Variants in ZNF804B observed in about 807,000 individuals in gnomAD.
ZNF804B encodes the protein zinc finger 804B.
In ZNF804B, 80 loss-of-function variants were observed where a neutral mutation model predicts 101.4. The observed-to-expected ratio is 0.79, with a 90% CI of 0.66 to 0.95. ZNF804B has a LOEUF of 0.95. ZNF804B is among the 40% of genes least tolerant of loss of function. The pLI is 0.00. For synonymous variants in ZNF804B, 622 were observed against 558.8 expected (o/e 1.11, Z -1.59); for missense variants, 1,673 against 1,561.9 (o/e 1.07, Z -1.20).
At chr7:89,003,748 C>T (rs1261691397) in intron 1 of ZNF804B, among the ~76,000 whole-genome samples, 2 of 151,884 alleles carry the variant, frequency 1.3e-5, no homozygotes, top group Non-Finnish European at 2.9e-5. Context: ...TTACATTAGA[C>T]TACTTCTGAC....
intron 1 of ZNF804B, among the ~76,000 whole-genome samples, chr7:89,018,580 G>A (rs902703189): frequency 2.6e-5 from 4 of 151,966 alleles, no homozygotes; most frequent in Admixed American, 2.0e-4. Flanking sequence ...TTTTGGAATC[G>A]TTTGAGAAGA....
chr7:89,114,483 T>A (rs1260595363), intron 1 of ZNF804B, among the ~76,000 whole-genome samples: 1 of 152,206 alleles, frequency 6.6e-6, no homozygotes. Context: ...GTATACTTTG[T>A]ACAAATCTCA....
chr7:88,794,341 T>C, intron 1 of ZNF804B: 1 of 1,613,920 alleles, frequency 6.2e-7, no homozygotes, highest in Non-Finnish European at 8.5e-7. Flanking sequence ...TGCAACTTGG[T>C]GTAAGTTATC....
At chr7:89,316,973 C>A (rs1790742729) in intron 2 of ZNF804B, among the ~76,000 whole-genome samples, 1 of 152,140 alleles carries the variant, frequency 6.6e-6, no homozygotes, top group South Asian at 2.1e-4. Context: ...AAAGAGGGGC[C>A]AGCAAACACT....
intron 1 of ZNF804B, among the ~76,000 whole-genome samples, chr7:88,988,234 G>C (rs1414622613): frequency 6.6e-6 from 1 of 151,720 alleles, no homozygotes; most frequent in African/African-American, 2.4e-5. Context: ...AAAAGGAGCT[G>C]TCTATATCAT....
chr7:89,269,939 A>T (rs146358883), intron 2 of ZNF804B, among the ~76,000 whole-genome samples: 1,920 of 151,902 alleles, frequency 0.013, 22 homozygotes, highest in Admixed American at 0.021. Flanking sequence ...AATTTGTTTG[A>T]GTTCTTTGTA....
rs185836712 is a variant in ZNF804B at position 88,814,098 on chromosome 7, T to C, written c.108+54014T>C. ...GTACTTATTTTCTGGCTCTAATATG[T>C]TATATATTCTGCTCTTGGATATTGG... On this transcript the variant is annotated intron_variant, in intron 1 of 3. Transcript: ENST00000333190. 1.8e-3 allele frequency among the ~76,000 whole-genome samples: 279 copies of C among 152,292 alleles called. 2 individuals carry two copies. Among genetic ancestry groups the C allele is most frequent in the Middle Eastern group, 3.4e-3 (1 of 294 alleles).
At chr7:88,818,145 C>G (rs1378634048) in intron 1 of ZNF804B, among the ~76,000 whole-genome samples, 1 of 152,112 alleles carries the variant, frequency 6.6e-6, no homozygotes, top group Non-Finnish European at 1.5e-5. Context: ...ATTTTTAAAA[C>G]AGCAAAATCT....
chr7:88,921,614 A>G (rs1557917), intron 1 of ZNF804B, among the ~76,000 whole-genome samples: 85,393 of 151,944 alleles, frequency 0.56, 27,375 homozygotes, highest in African/African-American at 0.86. Flanking sequence ...ACATTTATAT[A>G]CATTAGGATT....
chr7:88,946,977 G>A (rs560055187), intron 1 of ZNF804B, among the ~76,000 whole-genome samples: 3 of 151,980 alleles, frequency 2.0e-5, no homozygotes, highest in East Asian at 2.0e-4. Flanking sequence ...ACCATCTCAC[G>A]CCAGTTAGAA....
At chr7:88,845,942 G>GA (rs1006120338) in intron 1 of ZNF804B, among the ~76,000 whole-genome samples, 2 of 151,784 alleles carry the variant, frequency 1.3e-5, no homozygotes, top group Admixed American at 1.3e-4. Flanking sequence ...TGGAAAAGAG[G>GA]AAAAAAAGGA....
At chr7:89,291,028 T>C (rs1393545899) in intron 2 of ZNF804B, among the ~76,000 whole-genome samples, 1 of 152,210 alleles carries the variant, frequency 6.6e-6, no homozygotes, top group Non-Finnish European at 1.5e-5. Flanking sequence ...TATCCAAGAC[T>C]ACTGTGGCAG....
At chr7:89,197,156 A>G (rs1788567581) in intron 1 of ZNF804B, among the ~76,000 whole-genome samples, 1 of 151,870 alleles carries the variant, frequency 6.6e-6, no homozygotes, top group African/African-American at 2.4e-5. Flanking sequence ...TGTGTCACAC[A>G]TTTACCTATG....
At chr7:89,285,035 CTAAATAAAAAAATT>C (rs1431678958) in intron 2 of ZNF804B, among the ~76,000 whole-genome samples, 1 of 151,502 alleles carries the variant, frequency 6.6e-6, no homozygotes, top group African/African-American at 2.4e-5. Context: ...CCTGTCTCCA[CTAAATAAAAAAATT>C]TAAATTTAAA....
chr7:89,077,087 A>AAGAGCTATCTACACAGCCAATGTAGAC (rs11269642), intron 1 of ZNF804B, among the ~76,000 whole-genome samples: 2 of 8,664 alleles, frequency 2.3e-4, no homozygotes, highest in Non-Finnish European at 4.3e-4. Flanking sequence ...AGTGATGATG[A>AAGAGCTATCTACACAGCCAATGTAGAC]TGTTCCCTTG....
intron 1 of ZNF804B, among the ~76,000 whole-genome samples, chr7:89,149,597 T>C (rs1790840787): frequency 6.6e-6 from 1 of 152,100 alleles, no homozygotes; most frequent in Non-Finnish European, 1.5e-5. Context: ...CAAATCTTAA[T>C]GTTAGAATAG....
At chr7:88,819,826 C>T (rs975022380) in intron 1 of ZNF804B, among the ~76,000 whole-genome samples, 3 of 152,090 alleles carry the variant, frequency 2.0e-5, no homozygotes, top group Middle Eastern at 3.5e-3. Context: ...ATTATGATTC[C>T]ACTGCTTGAA....
intron 1 of ZNF804B, among the ~76,000 whole-genome samples, chr7:89,011,280 G>A (rs1350995954): frequency 6.6e-6 from 1 of 152,030 alleles, no homozygotes; most frequent in Non-Finnish European, 1.5e-5. Flanking sequence ...TTGACACATG[G>A]GAATCATTAC....
intron 1 of ZNF804B, among the ~76,000 whole-genome samples, chr7:88,770,044 AATAG>A (rs1481566351): frequency 6.6e-6 from 1 of 152,202 alleles, no homozygotes; most frequent in East Asian, 1.9e-4. Flanking sequence ...ATCAGTTGTT[AATAG>A]ATAGTTAAAT....
Sources: allele counts gnomAD v4.1 joint callset (sites outside exome capture counted in the v4.1 genomes callset), GRCh38; gene constraint gnomAD v4.1.1; transcripts MANE v1.5; gene names NCBI Gene and HGNC (gene_info 2026-07-23, HGNC 2026-07-21).